Variants in CHRNA6 observed in about 807,000 individuals in gnomAD.
The protein encoded by CHRNA6 is cholinergic receptor nicotinic alpha 6 subunit, also known as neuronal acetylcholine receptor subunit alpha-6.
CHRNA6 carries 31 observed loss-of-function variants against 40.9 expected under a neutral mutation model. That is an observed-to-expected ratio of 0.76 (90% CI 0.57 to 1.02). CHRNA6 has a LOEUF of 1.02. Ranked by LOEUF, CHRNA6 falls within the 50% of genes least tolerant of loss-of-function variation. CHRNA6 has a pLI of 0.00. For synonymous variants in CHRNA6, 222 were observed against 221.3 expected (o/e 1.00, Z -0.03); for missense variants, 546 against 596.6 (o/e 0.92, Z 0.88).
rs1816748973 is a variant in CHRNA6 at position 42,753,320 on chromosome 8, A to T, written c.1354-10T>A. On this transcript the variant is annotated splice_polypyrimidine_tract_variant and intron_variant, in intron 5 of 5. Coordinates refer to ENST00000276410, the MANE Select transcript of CHRNA6 (RefSeq NM_004198.3). ...TCCAGTCATCTTCTACCTGAAATGC[A>T]AACAAAAATTAAGAGCTGTTTTAAA... The T allele has an allele frequency of 6.3e-7, 1 of 1,597,454 alleles. No individual in the cohort carries two copies. Among genetic ancestry groups the T allele is most frequent in the Non-Finnish European group, 8.5e-7 (1 of 1,176,392 alleles).
Position 42,756,669 on chromosome 8 carries a change from C to T in CHRNA6, c.530G>A (p.Gly177Asp), listed in dbSNP as rs201127531. 17 of 1,614,080 alleles carry T rather than the reference C, an allele frequency of 1.1e-5. No homozygotes were observed. The highest frequency in any genetic ancestry group is 1.4e-5 in the Non-Finnish European group (17 of 1,180,018). ...TTCAGCTTTGTCATACGTCCAGGAA[C>T]CAAATTTTAGGGAACAGTTTTGATG... ...FDHQNCSLKF[G>D]SWTYDKAEID... The change falls in exon 5 of 6, where the codon GGT (glycine) becomes GAT (aspartate). Residue 177 changes from glycine (G) to aspartate (D), a missense_variant. Transcript: ENST00000276410.
intron 1 of CHRNA6, among the ~76,000 whole-genome samples, chr8:42,767,041 C>T (rs1816985154): frequency 6.6e-6 from 1 of 152,216 alleles, no homozygotes; most frequent in African/African-American, 2.4e-5. Flanking sequence ...GATCTCGGCT[C>T]ACTGCAAGCT....
chr8:42,762,580 C>T (rs1193724771), intron 2 of CHRNA6, among the ~76,000 whole-genome samples: 2 of 152,096 alleles, frequency 1.3e-5, no homozygotes, highest in African/African-American at 4.8e-5. Flanking sequence ...GCCCGGGAGG[C>T]GTAGGTTGCA....
In CHRNA6 at chr8:42,755,992, C is replaced by A; in HGVS notation, c.1207G>T (p.Glu403Ter). The change falls in exon 5 of 6, where the codon GAG (glutamate) becomes TAG (stop). Residue 403 changes from glutamate to a stop codon, truncating the protein, a stop_gained. Transcript: ENST00000276410. LOFTEE classifies it high-confidence loss of function. ...AATCTTCTCTTGCTTGTGGCAAGCT[C>A]ATTTGATTTGTGACAATGGAAGCAT... ...KECFHCHKSN[E>*]LATSKRRLSH... 6.2e-7 allele frequency: 1 copy of A among 1,614,244 alleles called. No homozygotes were observed. The highest frequency in any genetic ancestry group is 8.5e-7 in the Non-Finnish European group (1 of 1,180,048).
chr8:42,763,925 C>T (rs1586428385), intron 2 of CHRNA6, among the ~76,000 whole-genome samples: 1 of 152,070 alleles, frequency 6.6e-6, no homozygotes, highest in African/African-American at 2.4e-5. Context: ...GAAGGGCCAC[C>T]GCCGCCTCAC....
At position 42,753,109 on chromosome 8, in the gene CHRNA6, T is replaced by G. The variant is rs1816745200; in HGVS notation, c.*70A>C. The G allele has an allele frequency of 6.9e-7, 1 of 1,455,274 alleles. No homozygotes were observed. Among genetic ancestry groups the G allele is most frequent in the East Asian group, 2.3e-5 (1 of 43,318 alleles). 90.1% of individuals were successfully genotyped at this position (1,455,274 alleles called of 1,614,324 possible). The stretch of plus-strand genomic sequence containing the variant: ...CTTGGGTGGGAAGCCTTTGCTTTCC[T>G]TTCCTTGTGGCAGGGAATGCAGAAC... On this transcript the variant is annotated 3_prime_UTR_variant, in exon 6 of 6. Transcript: ENST00000276410.
Position 42,759,215 on chromosome 8 carries a change from A to T in CHRNA6, c.220-102T>A. On this transcript the variant is annotated intron_variant, in intron 2 of 5. Coordinates refer to ENST00000276410, the MANE Select transcript of CHRNA6 (RefSeq NM_004198.3). Reference sequence around the variant, plus strand: ...AAAAAGAACCAAATCTGACTTATTCATGCCAATAGAAGAAGACTTCAAGGC... The same window carrying T: ...AAAAAGAACCAAATCTGACTTATTCTTGCCAATAGAAGAAGACTTCAAGGC... 9.4e-6 allele frequency: 8 copies of T among 852,780 alleles called. No individual in the cohort carries two copies. In the South Asian group the frequency reaches 1.1e-4, roughly 12 times the overall value. The allele number at this position is 852,780 out of a possible 1,614,324, so 52.8% of individuals were successfully genotyped here.
At chr8:42,757,112 TC>T in intron 3 of CHRNA6, 75 bp from the exon 4 acceptor site, 1 of 1,127,368 alleles carries the variant, frequency 8.9e-7, no homozygotes, top group Non-Finnish European at 1.3e-6. Context: ...ACGCCTGTAA[TC>T]CCAGCACTTT....
Position 42,765,137 on chromosome 8 carries a change from G to A in CHRNA6, c.147C>T (p.Ile49=), listed in dbSNP as rs759812173. 1.2e-6 allele frequency: 2 copies of A among 1,614,144 alleles called. No individual in the cohort carries two copies. Among genetic ancestry groups the A allele is most frequent in the Non-Finnish European group, 1.7e-6 (2 of 1,179,958 alleles). The change falls in exon 2 of 6, where the codon ATC becomes ATT. Residue 49 remains isoleucine, a synonymous_variant. Coordinates refer to ENST00000276410, the MANE Select transcript of CHRNA6 (RefSeq NM_004198.3). ...GGTCGGAAACGTTTTCCACAGGCCT[G>A]ATGAACTGGTTGTAATGAGAAAACA... ...HKLFSHYNQF[I]RPVENVSDPV...
At chr8:42,760,298 CG>C (rs1816883462) in intron 2 of CHRNA6, among the ~76,000 whole-genome samples, 1 of 150,696 alleles carries the variant, frequency 6.6e-6, no homozygotes, top group Admixed American at 6.6e-5. Flanking sequence ...TGCATATACA[CG>C]GTACTCTCAT....
chr8:42,761,874 G>A (rs1816910286), intron 2 of CHRNA6, among the ~76,000 whole-genome samples: 1 of 152,234 alleles, frequency 6.6e-6, no homozygotes, highest in Non-Finnish European at 1.5e-5. Flanking sequence ...TTCTGGAGCA[G>A]CAGCAGACTT....
chr8:42,765,031 A>G (rs1816954062), intron 2 of CHRNA6, 34 bp downstream of exon 2: 1 of 1,602,352 alleles, frequency 6.2e-7, no homozygotes, highest in Admixed American at 1.7e-5. Context: ...AAGTGTAACA[A>G]TGCTGGGGAA....
chr8:42,758,877 C>T lies in CHRNA6; in HGVS notation c.264+192G>A, dbSNP rs6651366. On this transcript the variant is annotated intron_variant, in intron 3 of 5. Coordinates refer to ENST00000276410, the MANE Select transcript of CHRNA6 (RefSeq NM_004198.3). ...ATGGAAACCTCTATGTCAGAGGGAC[C>T]TTTGTCACTAAGTGTCTGCACCTGT... is the stretch of plus-strand genomic sequence containing the variant. 5.5e-3 allele frequency among the ~76,000 whole-genome samples: 836 copies of T among 152,256 alleles called. 6 individuals are homozygous for T. Among genetic ancestry groups the T allele is most frequent in the African/African-American group, 0.019 (796 of 41,558 alleles).
chr8:42,766,494 A>AAAAG lies in CHRNA6; in HGVS notation c.80-1294_80-1291dup, dbSNP rs537067864. ...GCGACAGAGTGAGACTCCGTCTCAA[A>AAAAG]AAAGAAAGAAAGAAAGAAAGAAAGA... On this transcript the variant is annotated intron_variant, in intron 1 of 5. Transcript: ENST00000276410. Among the ~76,000 whole-genome samples the AAAAG allele has an allele frequency of 5.4e-3, 785 of 145,080 alleles. 18 individuals carry two copies. Among genetic ancestry groups the AAAAG allele is most frequent in the Non-Finnish European group, 6.0e-3 (393 of 66,012 alleles).
chr8:42,766,576 G>A (rs977249369), intron 1 of CHRNA6, among the ~76,000 whole-genome samples: 3 of 152,144 alleles, frequency 2.0e-5, no homozygotes, highest in African/African-American at 4.8e-5. Flanking sequence ...GAACAAGATC[G>A]TGCCCTTTGC....
intron 1 of CHRNA6, among the ~76,000 whole-genome samples, chr8:42,767,082 C>T (rs752630794): frequency 1.3e-5 from 2 of 152,190 alleles, no homozygotes; most frequent in Non-Finnish European, 2.9e-5. Flanking sequence ...ATTCTCCTGC[C>T]TCAGCCTCCC....
chr8:42,765,967 TGA>T (rs1563627235), intron 1 of CHRNA6, among the ~76,000 whole-genome samples: 1 of 152,186 alleles, frequency 6.6e-6, no homozygotes, highest in Non-Finnish European at 1.5e-5. Flanking sequence ...ACACTGTTAG[TGA>T]GAGTGTAAAT....
chr8:42,765,555 T>C (rs1036304625), intron 1 of CHRNA6, among the ~76,000 whole-genome samples: 1 of 152,226 alleles, frequency 6.6e-6, no homozygotes, highest in African/African-American at 2.4e-5. Flanking sequence ...CTGAAGTAAC[T>C]CGCAGTCTTA....
At position 42,756,909 on chromosome 8, in the gene CHRNA6, G is replaced by C; in HGVS notation, c.374+19C>G. The C allele has an allele frequency of 6.2e-7, 1 of 1,610,198 alleles. No individual in the cohort carries two copies. Among genetic ancestry groups the C allele is most frequent in the Non-Finnish European group, 8.5e-7 (1 of 1,176,558 alleles). On this transcript the variant is annotated intron_variant, in intron 4 of 5. Coordinates refer to ENST00000276410, the MANE Select transcript of CHRNA6 (RefSeq NM_004198.3). ...AACAGCAGCTTTGGAAAGAGGCTAC[G>C]GTGGTCAGAGACCCATACTTGTTAT...
Sources: gnomAD v4.1 joint callset for allele counts (sites outside exome capture counted in the v4.1 genomes callset) on GRCh38, gnomAD v4.1.1 for gene constraint, MANE v1.5 for transcripts, NCBI Gene and HGNC (gene_info 2026-07-23, HGNC 2026-07-21) for gene names.